Variants in CRYBG1 observed in about 807,000 individuals in gnomAD.
The protein encoded by CRYBG1 is crystallin beta-gamma domain containing 1.
In CRYBG1, 139 loss-of-function variants were observed where a neutral mutation model predicts 189.2. That is an observed-to-expected ratio of 0.73 (90% CI 0.64 to 0.85). The LOEUF (loss-of-function observed/expected upper bound fraction) is 0.85. Among genes scored for constraint, CRYBG1 ranks in the 40% least tolerant of loss-of-function variants. CRYBG1 has a pLI of 0.00. For missense variants in CRYBG1, 2,611 were observed against 2,675.8 expected (o/e 0.98, Z 0.53); for synonymous variants, 1,023 against 1,017.1 (o/e 1.01, Z -0.11).
At chr6:106,507,868 A>G (rs1773164798) in intron 2 of CRYBG1, among the ~76,000 whole-genome samples, 1 of 152,198 alleles carries the variant, frequency 6.6e-6, no homozygotes, top group African/African-American at 2.4e-5. Context: ...TTGGATATCC[A>G]CAGGGACCTG....
chr6:106,464,347 G>T (rs1053111310), intron 2 of CRYBG1, among the ~76,000 whole-genome samples: 3 of 152,018 alleles, frequency 2.0e-5, no homozygotes, highest in Non-Finnish European at 4.4e-5. Context: ...CAAAAAATTA[G>T]CCGGGCATGT....
At chr6:106,503,567 C>T (rs780701041) in intron 2 of CRYBG1, among the ~76,000 whole-genome samples, 3 of 152,144 alleles carry the variant, frequency 2.0e-5, no homozygotes, top group Admixed American at 6.5e-5. Flanking sequence ...AAAAATAATT[C>T]GATTCTACAG....
chr6:106,567,578 GCA>G (rs1168060887), intron 21 of CRYBG1, among the ~76,000 whole-genome samples: 2 of 152,210 alleles, frequency 1.3e-5, no homozygotes, highest in African/African-American at 4.8e-5. Context: ...GCATCAAAAT[GCA>G]CAGATTTTTA....
chr6:106,388,991 A>C (rs974135669), intron 1 of CRYBG1, among the ~76,000 whole-genome samples: 10 of 152,230 alleles, frequency 6.6e-5, no homozygotes, highest in African/African-American at 2.4e-4. Context: ...GCATAAAGTC[A>C]GTACCATTTT....
At chr6:106,418,442 C>T (rs1771065559) in intron 1 of CRYBG1, among the ~76,000 whole-genome samples, 1 of 152,228 alleles carries the variant, frequency 6.6e-6, no homozygotes, top group South Asian at 2.1e-4. Context: ...GGACCCACCC[C>T]TATCTGCCTA....
At chr6:106,451,892 C>T in intron 2 of CRYBG1, 60 bp downstream of exon 2, 1 of 1,430,660 alleles carries the variant, frequency 7.0e-7, no homozygotes, top group South Asian at 1.4e-5. Flanking sequence ...AGCTAAAGCA[C>T]TGTAAGATAG....
At chr6:106,484,972 A>C (rs9384618) in intron 2 of CRYBG1, among the ~76,000 whole-genome samples, 18,449 of 152,148 alleles carry the variant, frequency 0.12, 1,310 homozygotes, top group East Asian at 0.27. Flanking sequence ...GCCTGGGCAA[A>C]AGAGCAAGAC....
At chr6:106,383,382 C>T (rs1288180063) in intron 1 of CRYBG1, among the ~76,000 whole-genome samples, 1 of 152,174 alleles carries the variant, frequency 6.6e-6, no homozygotes, top group African/African-American at 2.4e-5. Flanking sequence ...CCAGGCTATT[C>T]AGTGGCAAAG....
chr6:106,557,910 T>C (rs565783817), intron 17 of CRYBG1, among the ~76,000 whole-genome samples: 12 of 152,378 alleles, frequency 7.9e-5, no homozygotes, highest in African/African-American at 2.9e-4. Flanking sequence ...AGTTTGAACA[T>C]AGAGCTTCCA....
chr6:106,381,257 T>C (rs993382451), intron 1 of CRYBG1, among the ~76,000 whole-genome samples: 1 of 152,232 alleles, frequency 6.6e-6, no homozygotes, highest in Admixed American at 6.5e-5. Flanking sequence ...AGTCATAATG[T>C]GTCTGTTGAC....
intron 2 of CRYBG1, among the ~76,000 whole-genome samples, chr6:106,505,222 G>A (rs888305421): frequency 6.6e-6 from 1 of 152,020 alleles, no homozygotes; most frequent in African/African-American, 2.4e-5. Flanking sequence ...AGCCTCCCAA[G>A]TAGCTGGGAC....
chr6:106,402,665 T>G (rs1360486056), intron 1 of CRYBG1, among the ~76,000 whole-genome samples: 1 of 151,568 alleles, frequency 6.6e-6, no homozygotes, highest in African/African-American at 2.4e-5. Context: ...GATTAAAGAT[T>G]TAAACGTTAG....
chr6:106,419,057 GC>G (rs1476824395), intron 1 of CRYBG1, among the ~76,000 whole-genome samples: 11 of 152,174 alleles, frequency 7.2e-5, no homozygotes, highest in African/African-American at 2.4e-4. Flanking sequence ...CATGTTGTCT[GC>G]CCCTTACTGT....
chr6:106,430,756 C>T (rs534932272), intron 1 of CRYBG1, among the ~76,000 whole-genome samples: 70 of 152,064 alleles, frequency 4.6e-4, no homozygotes, highest in Admixed American at 1.3e-3. Flanking sequence ...CGTCTGTAGC[C>T]GGGTAGCTGC....
At chr6:106,551,786 T>A in intron 13 of CRYBG1, 66 bp from the exon 14 acceptor site, 1 of 1,498,932 alleles carries the variant, frequency 6.7e-7, no homozygotes. Flanking sequence ...TACATAGATA[T>A]CCAAATATGT....
intron 2 of CRYBG1, among the ~76,000 whole-genome samples, chr6:106,478,742 C>T (rs946123070): frequency 6.6e-6 from 1 of 152,236 alleles, no homozygotes; most frequent in African/African-American, 2.4e-5. Context: ...TCTGTATTTA[C>T]AGCCATTCCC....
At chr6:106,530,417 T>C in intron 8 of CRYBG1, 102 bp downstream of exon 8, 1 of 1,146,096 alleles carries the variant, frequency 8.7e-7, no homozygotes, top group Non-Finnish European at 1.2e-6. Context: ...TGTCATCCTG[T>C]TAAGTAATTA....
intron 2 of CRYBG1, among the ~76,000 whole-genome samples, chr6:106,506,590 T>C (rs1773137930): frequency 6.6e-6 from 1 of 151,782 alleles, no homozygotes; most frequent in Non-Finnish European, 1.5e-5. Context: ...GTAGCTGGGA[T>C]TACAAGCAAC....
At position 106,506,609 on chromosome 6, in the gene CRYBG1, T is replaced by A. The variant is rs887311374; in HGVS notation, c.313-4821T>A. Among the ~76,000 whole-genome samples, 4 of 151,898 alleles carry A rather than the reference T, an allele frequency of 2.6e-5. 1 individual carries two copies. Among genetic ancestry groups the A allele is most frequent in the African/African-American group, 9.7e-5 (4 of 41,340 alleles). ...CTGGGATTACAAGCAACCACCACCA[T>A]GCCCAGCTAATTTTTGTATTTTTAG... is the stretch of plus-strand genomic sequence containing the variant. On this transcript the variant is annotated intron_variant, in intron 2 of 21. Coordinates refer to ENST00000633556, the MANE Select transcript of CRYBG1 (RefSeq NM_001371242.2).
Sources: allele counts gnomAD v4.1 joint callset (sites outside exome capture counted in the v4.1 genomes callset), GRCh38; gene constraint gnomAD v4.1.1; transcripts MANE v1.5; gene names NCBI Gene and HGNC (gene_info 2026-07-23, HGNC 2026-07-21).